The following SH3BP1 variants were observed in gnomAD, a reference collection of about 807,000 sequenced individuals.
SH3BP1 encodes SH3 domain-binding protein 1.
Under a neutral mutation model 69.8 loss-of-function variants are expected in SH3BP1, and 46 were observed. That is an observed-to-expected ratio of 0.66 (90% CI 0.52 to 0.84). The LOEUF is 0.84. Ranked by LOEUF, SH3BP1 falls within the 40% of genes least tolerant of loss-of-function variation. The probability of loss-of-function intolerance (pLI) is 0.00; values close to 1 mark genes in which losing one functional copy is unlikely to be tolerated. For synonymous variants in SH3BP1, 403 were observed against 378.0 expected, an observed-to-expected ratio of 1.07 and a Z score of -0.77; for missense variants, 868 against 930.9, an observed-to-expected ratio of 0.93 and a Z score of 0.88.
chr22:37,646,647 T>C (rs1248441473), intron 10 of SH3BP1, 171 bp from the exon 11 acceptor site: 2 of 433,042 alleles, frequency 4.6e-6, no homozygotes, highest in Non-Finnish European at 4.1e-6. Context: ...CTCAGAATTC[T>C]AGACCTTGAA....
chr22:37,649,918 G>C, intron 14 of SH3BP1: 2 of 635,154 alleles, frequency 3.1e-6, no homozygotes, highest in South Asian at 3.5e-5. Context: ...AGGCTGTCCA[G>C]ATCACAACTA....
intron 13 of SH3BP1, 26 bp from the exon 14 acceptor site, chr22:37,648,293 T>TA: frequency 6.6e-7 from 1 of 1,525,728 alleles, no homozygotes; most frequent in Non-Finnish European, 9.0e-7. Flanking sequence ...GTTCTGCCCC[T>TA]GGCCTAAGCC....
At chr22:37,653,707 G>T in intron 16 of SH3BP1, 72 bp from the exon 17 acceptor site, 1 of 1,046,488 alleles carries the variant, frequency 9.6e-7, no homozygotes, top group Non-Finnish European at 1.5e-6. Context: ...CTGGCAGCTG[G>T]AGACTCCTCA....
rs773285606 is a variant in SH3BP1, at chr22:37,656,060, T to C, written c.*376T>C. 2 of 1,354,108 alleles carry C rather than the reference T, an allele frequency of 1.5e-6. No homozygotes were observed. Among genetic ancestry groups the C allele is most frequent in the Non-Finnish European group, 1.9e-6 (2 of 1,026,972 alleles). The allele number at this position is 1,354,108 out of a possible 1,614,324, so 83.9% of individuals were successfully genotyped here. On this transcript the variant is annotated 3_prime_UTR_variant, in exon 18 of 18. Coordinates refer to ENST00000649765, the MANE Select transcript of SH3BP1 (RefSeq NM_018957.6). ...AAAACTGGAGCAGCTGCCCAAATGA[T>C]AGTTTTATTTTCTGTCCTTGAAATA...
At position 37,645,368 on chromosome 22, in the gene SH3BP1, A is replaced by G. The variant is rs143343115; in HGVS notation, c.782A>G (p.His261Arg). 551 of 1,606,162 alleles carry G rather than the reference A, an allele frequency of 3.4e-4. 3 individuals carry two copies. In the African/African-American group the frequency reaches 6.4e-3, roughly 19 times the overall value. ...CTGATCTGTTTCATCCCTGCAGACC[A>G]CTCCCCTTCGATGACAGCCACCCAC... is the stretch of plus-strand genomic sequence containing the variant. ...ELRENHGQAD[H>R]SPSMTATHFP... Residue 261 changes from histidine to arginine, a missense_variant, in exon 10 of 18, where the codon CAC (histidine) becomes CGC (arginine). Physicochemically the swap from His to Arg is conservative, Grantham distance 29. Coordinates refer to ENST00000649765, the MANE Select transcript of SH3BP1 (RefSeq NM_018957.6).
At chr22:37,648,516 G>A (rs922468325) in intron 14 of SH3BP1, 81 bp downstream of exon 14, 27 of 1,009,988 alleles carry the variant, frequency 2.7e-5, no homozygotes, top group Non-Finnish European at 3.2e-5. Context: ...TTTCCCCGGG[G>A]CCTTGGTGTC....
chr22:37,647,462 G>A lies in SH3BP1; in HGVS notation c.1140G>A (p.Arg380=). 1 of 1,611,012 alleles carries A rather than the reference G, an allele frequency of 6.2e-7. No homozygotes were observed. Among genetic ancestry groups the A allele is most frequent in the Non-Finnish European group, 8.5e-7 (1 of 1,179,560 alleles). ...CCAGCCTGAAGGAGCCAGGGGCCCG[G>A]CTGCAGGCCCTCCAAGAGGTGTGCA... is the stretch of plus-strand genomic sequence containing the variant. ...RAASLKEPGA[R]LQALQEVCSR... is the part of the protein sequence containing the mutation. Residue 380 remains arginine, a synonymous_variant, in exon 13 of 18, where the codon CGG becomes CGA. Transcript: ENST00000649765.
intron 2 of SH3BP1, 72 bp from the exon 3 acceptor site, chr22:37,641,302 G>T (rs1228263346): frequency 3.3e-6 from 5 of 1,525,368 alleles, no homozygotes; most frequent in Non-Finnish European, 4.4e-6. Flanking sequence ...GGTCCCCAGG[G>T]GACAGGAGAA....
In SH3BP1 at chr22:37,647,479, A is replaced by AG. The variant is rs1460827584; in HGVS notation, c.1159dup (p.Val387GlyfsTer50). 10 of 1,608,532 alleles carry AG rather than the reference A, an allele frequency of 6.2e-6. No homozygotes were observed. The highest frequency in any genetic ancestry group is 7.6e-6 in the Non-Finnish European group (9 of 1,179,474). Reference sequence around the variant, plus strand: ...GGGGCCCGGCTGCAGGCCCTCCAAGAGGTGTGCAGCCGCCTACCCCCCGAG... The same window carrying AG: ...GGGGCCCGGCTGCAGGCCCTCCAAGAGGGTGTGCAGCCGCCTACCCCCCGAG... On this transcript the variant is annotated frameshift_variant, in exon 13 of 18. Coordinates refer to ENST00000649765, the MANE Select transcript of SH3BP1 (RefSeq NM_018957.6). LOFTEE classifies it high-confidence loss of function.
In SH3BP1 at chr22:37,655,886, G is replaced by A. The variant is rs751521084; in HGVS notation, c.*202G>A. Reference sequence around the variant, plus strand: ...CTGACCTTTTCCTCGTCCACCCTGGGCTTGGGGACCCCCCCACCGGACTCT... The same window carrying A: ...CTGACCTTTTCCTCGTCCACCCTGGACTTGGGGACCCCCCCACCGGACTCT... On this transcript the variant is annotated 3_prime_UTR_variant, in exon 18 of 18. Coordinates refer to ENST00000649765, the MANE Select transcript of SH3BP1 (RefSeq NM_018957.6). The A allele has an allele frequency of 1.4e-5, 22 of 1,552,670 alleles. No individual in the cohort carries two copies. The highest frequency in any genetic ancestry group is 1.9e-5 in the Non-Finnish European group (22 of 1,156,628).
chr22:37,640,990 G>A, intron 1 of SH3BP1, 136 bp from the exon 2 acceptor site: 1 of 684,178 alleles, frequency 1.5e-6, no homozygotes, highest in Middle Eastern at 3.6e-4. Context: ...GCCACCCAGG[G>A]CAGGCCTCAG....
At chr22:37,654,174 G>A (rs562609359) in intron 17 of SH3BP1, among the ~76,000 whole-genome samples, 9 of 152,276 alleles carry the variant, frequency 5.9e-5, no homozygotes, top group South Asian at 2.1e-4. Flanking sequence ...CACACAGCAC[G>A]TGCCCACTAA....
intron 17 of SH3BP1, among the ~76,000 whole-genome samples, chr22:37,654,126 G>T (rs977681952): frequency 1.6e-4 from 24 of 152,232 alleles, no homozygotes; most frequent in African/African-American, 5.5e-4. Flanking sequence ...GCTGCATGGA[G>T]CCTGCAGTGG....
Position 37,650,677 on chromosome 22 carries a change from C to T in SH3BP1, c.1550C>T (p.Pro517Leu), listed in dbSNP as rs757990267. 40 of 1,613,492 alleles carry T rather than the reference C, an allele frequency of 2.5e-5. 1 individual carries two copies. The highest frequency in any genetic ancestry group is 2.1e-4 in the South Asian group (19 of 91,038). ...ACCACCCCGGCTCCGGCTCCGGCTC[C>T]AGCTCCAGCTCCGGCCCCAGCCTTG... is the stretch of plus-strand genomic sequence containing the variant. The part of the protein sequence containing the change: ...PATTPAPAPA[P>L]APAPAPALAS... Residue 517 changes from proline to leucine, a missense_variant, in exon 16 of 18, where the codon CCA becomes CTA. Pro to Leu is a moderately conservative substitution (Grantham distance 98, BLOSUM62 -3). Coordinates refer to ENST00000649765, the MANE Select transcript of SH3BP1 (RefSeq NM_018957.6).
intron 16 of SH3BP1, among the ~76,000 whole-genome samples, chr22:37,652,137 C>T (rs1033615054): frequency 1.3e-5 from 2 of 151,748 alleles, no homozygotes; most frequent in East Asian, 1.9e-4. Flanking sequence ...GGTGAAACCC[C>T]GTCTCTACTA....
rs1193064801 is a variant in SH3BP1, at chr22:37,644,583, C to T, written c.619-54C>T. ...CCAACCCTTCCAAGCCTCCTCTTCC[C>T]CTCTAGACCCCACAGCCTCACCCAA... On this transcript the variant is annotated intron_variant, in intron 7 of 17. Transcript: ENST00000649765. 8.9e-6 allele frequency: 14 copies of T among 1,569,086 alleles called. No homozygotes were observed. The East Asian group carries it at 3.1e-4, about 35-fold the overall frequency.
rs1239070836 is a variant in SH3BP1 at position 37,645,149 on chromosome 22, G to A, written c.778+189G>A. On this transcript the variant is annotated intron_variant, in intron 9 of 17. Coordinates refer to ENST00000649765, the MANE Select transcript of SH3BP1 (RefSeq NM_018957.6). ...GTGGAGTGAAGCGGGCAGGACTAGA[G>A]CCAGGCCTGTGAGGCAGAAGGAGGC... is the stretch of plus-strand genomic sequence containing the variant. The A allele has an allele frequency of 1.1e-4, 94 of 828,236 alleles. 1 individual carries two copies. The Admixed American group carries it at 2.3e-3, about 21-fold the overall frequency. The allele number at this position is 828,236 out of a possible 1,614,324, so 51.3% of individuals were successfully genotyped here.
intron 5 of SH3BP1, 41 bp from the exon 6 acceptor site, chr22:37,643,057 C>T (rs1280503697): frequency 6.2e-7 from 1 of 1,608,590 alleles, no homozygotes. Flanking sequence ...TTCTGGCTCC[C>T]TCCTCCCCCA....
At chr22:37,641,202 G>C (rs891668601) in intron 2 of SH3BP1, 34 bp downstream of exon 2, 8 of 1,547,414 alleles carry the variant, frequency 5.2e-6, no homozygotes, top group Non-Finnish European at 6.1e-6. Flanking sequence ...GGGAAGGCAG[G>C]CCTGTGCAGG....
Sources: gnomAD v4.1 joint callset for allele counts (sites outside exome capture counted in the v4.1 genomes callset) on GRCh38, gnomAD v4.1.1 for gene constraint, MANE v1.5 for transcripts, NCBI Gene and HGNC (gene_info 2026-07-23, HGNC 2026-07-21) for gene names.